INTS7: variants seen among roughly 807,000 people sequenced by gnomAD.
INTS7 encodes the protein chromosome 1 open reading frame 73.
In INTS7, 46 loss-of-function variants were observed where a neutral mutation model predicts 109.2. That is an observed-to-expected ratio of 0.42 (90% confidence interval 0.33 to 0.54). The LOEUF is 0.54. INTS7 is among the 20% of genes least tolerant of loss of function. INTS7 has a pLI of 0.07. For missense variants in INTS7, 929 were observed against 1,132.4 expected (o/e 0.82, Z 2.58); for synonymous variants, 412 against 402.9 (o/e 1.02, Z -0.27).
At chr1:211,994,455 C>G (rs1054647073) in intron 7 of INTS7, among the ~76,000 whole-genome samples, 16 of 133,642 alleles carry the variant, frequency 1.2e-4, no homozygotes, top group African/African-American at 3.7e-4. Flanking sequence ...TGGAGTGTTG[C>G]TTTTGTCACC....
chr1:212,017,076 A>C, intron 3 of INTS7, 53 bp from the exon 4 acceptor site: 1 of 1,466,716 alleles, frequency 6.8e-7, no homozygotes, highest in Non-Finnish European at 9.1e-7. Flanking sequence ...AGTCAAGGTC[A>C]GAAAAGTAAG....
In INTS7 at chr1:211,968,581, C is replaced by A. The variant is rs1183249595; in HGVS notation, c.1942G>T (p.Ala648Ser). 8 of 1,613,846 alleles carry A rather than the reference C, an allele frequency of 5.0e-6. No homozygotes were observed. The highest frequency in any genetic ancestry group is 5.1e-6 in the Non-Finnish European group (6 of 1,179,982). The change falls in exon 14 of 20, where the codon GCA becomes TCA. Residue 648 changes from alanine to serine, a missense_variant. Ala to Ser is a moderately conservative substitution (Grantham distance 99). Around this residue, in one of 2 missense-constraint regions of INTS7, gnomAD observed 787 missense variants for 901.1 expected, o/e 0.87. Coordinates refer to ENST00000366994, the MANE Select transcript of INTS7 (RefSeq NM_015434.4). The part of the protein sequence containing the change: ...CNSLKTSPPP[A>S]IATTIAMTLG... ...GTCATGGCAATTGTTGTGGCAATTG[C>A]AGGTGGTGGGCTTGTCTTCAGGCTA...
chr1:211,965,776 C>G (rs944493788), intron 16 of INTS7, among the ~76,000 whole-genome samples: 2 of 152,132 alleles, frequency 1.3e-5, no homozygotes, highest in Non-Finnish European at 2.9e-5. Flanking sequence ...GAACACCACA[C>G]ACTGGGGCCT....
Position 211,981,180 on chromosome 1 carries a change from T to G in INTS7, c.1143A>C (p.Ala381=). 3 of 1,610,584 alleles carry G rather than the reference T, an allele frequency of 1.9e-6. No individual in the cohort carries two copies. The highest frequency in any genetic ancestry group is 2.2e-5 in the East Asian group (1 of 44,794). ...TVSCQEKDLL[A]LEQDAVFGLE... ...GGCCAAAGACAGCATCTTGTTCCAG[T>G]GCCAAAAGATCTAGAAGAAAAACAG... Residue 381 remains alanine, a synonymous_variant, in exon 10 of 20, where the codon GCA becomes GCC. Coordinates refer to ENST00000366994, the MANE Select transcript of INTS7 (RefSeq NM_015434.4).
intron 18 of INTS7, among the ~76,000 whole-genome samples, chr1:211,945,915 C>G (rs1343281502): frequency 6.6e-6 from 1 of 152,234 alleles, no homozygotes; most frequent in Non-Finnish European, 1.5e-5. Context: ...GGAAGAAGAA[C>G]TGGTGACAGT....
At chr1:211,953,473 A>G (rs1663210265) in intron 16 of INTS7, among the ~76,000 whole-genome samples, 1 of 151,334 alleles carries the variant, frequency 6.6e-6, no homozygotes, top group South Asian at 2.1e-4. Context: ...ATATGTATAC[A>G]TGTGCCATGT....
At chr1:212,010,615 G>T (rs1168615978) in intron 5 of INTS7, among the ~76,000 whole-genome samples, 1 of 152,078 alleles carries the variant, frequency 6.6e-6, no homozygotes, top group African/African-American at 2.4e-5. Context: ...CGATTATAAT[G>T]GAGCTGAAAA....
In INTS7 at chr1:212,035,524, G is replaced by A. The variant is rs952472997; in HGVS notation, c.-87C>T. Reference sequence around the variant, plus strand: ...CATCTTCCCCCGCCGCCTTCTTGCTGGTTTTTCTTCCGCGCGCTGTCAAGC... The same window carrying A: ...CATCTTCCCCCGCCGCCTTCTTGCTAGTTTTTCTTCCGCGCGCTGTCAAGC... On this transcript the variant is annotated 5_prime_UTR_variant, in exon 1 of 20. Transcript: ENST00000366994. 1.0e-5 allele frequency: 11 copies of A among 1,075,522 alleles called. No individual in the cohort carries two copies. Among genetic ancestry groups the A allele is most frequent in the Non-Finnish European group, 1.4e-5 (10 of 699,044 alleles). The allele number at this position is 1,075,522 out of a possible 1,614,324, so 66.6% of individuals were successfully genotyped here. A position where few individuals can be genotyped will look rare whatever the true frequency, so the allele number is the denominator to read the frequency against.
chr1:211,992,117 G>A lies in INTS7; in HGVS notation c.880-4114C>T, dbSNP rs549673338. ...TTATTCAAGCACTTAGGCCATTTCC[G>A]TTGTTCACTTTTTGTTACCTAAATT... On this transcript the variant is annotated intron_variant, in intron 7 of 19. Coordinates refer to ENST00000366994, the MANE Select transcript of INTS7 (RefSeq NM_015434.4). Among the ~76,000 whole-genome samples the A allele has an allele frequency of 7.2e-5, 11 of 152,088 alleles. No individual in the cohort carries two copies. In the South Asian group the frequency reaches 2.1e-3, roughly 29 times the overall value.
chr1:211,973,209 G>C (rs1188316956), intron 13 of INTS7, among the ~76,000 whole-genome samples: 2 of 152,164 alleles, frequency 1.3e-5, no homozygotes, highest in Non-Finnish European at 2.9e-5. Context: ...GTCGCCCAGA[G>C]TACTGGGATT....
chr1:211,968,097 C>A (rs1418710940), intron 14 of INTS7, 116 bp from the exon 15 acceptor site: 2 of 557,364 alleles, frequency 3.6e-6, no homozygotes, highest in Non-Finnish European at 3.1e-6. Flanking sequence ...AAAAATACTG[C>A]CATCTTTTCA....
Position 211,982,771 on chromosome 1 carries a change from T to A in INTS7, c.1037A>T (p.Lys346Ile). 1 of 1,611,418 alleles carries A rather than the reference T, an allele frequency of 6.2e-7. No individual in the cohort carries two copies. The highest frequency in any genetic ancestry group is 8.5e-7 in the Non-Finnish European group (1 of 1,178,338). The change falls in exon 9 of 20, where the codon AAA (lysine) becomes ATA (isoleucine). Residue 346 changes from lysine (K) to isoleucine (I), a missense_variant. Around this residue, in one of 2 missense-constraint regions of INTS7, gnomAD observed 787 missense variants for 901.1 expected, o/e 0.87. Transcript: ENST00000366994. ...ATGGTAACAGCACTCTTGGGCTAAT[T>A]TGACTAAATCAGAAGATCTGGGAGA... ...SSSPRSSDLV[K>I]LAQECCYHNN...
chr1:211,971,076 C>A (rs183011757), intron 13 of INTS7, among the ~76,000 whole-genome samples: 1 of 152,286 alleles, frequency 6.6e-6, no homozygotes, highest in African/African-American at 2.4e-5. Context: ...ATACACAGCT[C>A]CGAGTGAGGT....
chr1:211,997,036 A>G (rs1482494015), intron 7 of INTS7, among the ~76,000 whole-genome samples: 1 of 151,876 alleles, frequency 6.6e-6, no homozygotes, highest in Non-Finnish European at 1.5e-5. Context: ...AAAATAAATA[A>G]ATAAAAATAA....
At chr1:211,966,335 C>T in intron 16 of INTS7, 95 bp downstream of exon 16, 1 of 657,232 alleles carries the variant, frequency 1.5e-6, no homozygotes, top group Non-Finnish European at 2.6e-6. Context: ...TTTTTACTTC[C>T]ATAGTACTAG....
chr1:212,011,566 AG>A, intron 4 of INTS7, 145 bp from the exon 5 acceptor site: 1 of 612,218 alleles, frequency 1.6e-6, no homozygotes, highest in South Asian at 2.1e-5. Flanking sequence ...TGCTCGGGTT[AG>A]GGGAGGTGGT....
At chr1:211,997,137 C>T (rs1665434244) in intron 7 of INTS7, among the ~76,000 whole-genome samples, 1 of 152,040 alleles carries the variant, frequency 6.6e-6, no homozygotes, top group Non-Finnish European at 1.5e-5. Context: ...TCACAAATCA[C>T]CACCAAAGAA....
intron 16 of INTS7, among the ~76,000 whole-genome samples, chr1:211,960,324 G>C (rs1286725937): frequency 6.6e-6 from 1 of 151,666 alleles, no homozygotes; most frequent in Non-Finnish European, 1.5e-5. Flanking sequence ...CAACTTCAAA[G>C]ATCGAAGGAC....
intron 16 of INTS7, among the ~76,000 whole-genome samples, chr1:211,958,042 A>G (rs1184435502): frequency 4.0e-5 from 6 of 148,940 alleles, no homozygotes; most frequent in Non-Finnish European, 5.9e-5. Flanking sequence ...CATTTTTGCT[A>G]TAAACGGTCA....
Sources: gnomAD v4.1 joint callset for allele counts (sites outside exome capture counted in the v4.1 genomes callset) on GRCh38, gnomAD v4.1.1 for gene constraint, gnomAD v4.1.1 regional missense constraint, MANE v1.5 for transcripts, NCBI Gene and HGNC (gene_info 2026-07-23, HGNC 2026-07-21) for gene names.